Variants in NCOR2 observed in about 807,000 individuals in gnomAD.
The protein encoded by NCOR2 is CTG repeat protein 26.
Under a neutral mutation model 262.9 loss-of-function variants are expected in NCOR2, and 81 were observed. That is an observed-to-expected ratio of 0.31 (90% CI 0.26 to 0.37). The LOEUF (loss-of-function observed/expected upper bound fraction) is 0.37. Ranked by LOEUF, NCOR2 falls within the 10% of genes least tolerant of loss-of-function variation. The pLI is 1.00. For missense variants in NCOR2, 3,385 were observed against 3,621.4 expected (o/e 0.93, Z 1.68); for synonymous variants, 1,659 against 1,559.3 (o/e 1.06, Z -1.51).
At chr12:124,346,086 G>A (rs1041219647) in intron 31 of NCOR2, among the ~76,000 whole-genome samples, 3 of 152,176 alleles carry the variant, frequency 2.0e-5, no homozygotes, top group African/African-American at 7.2e-5. Context: ...TTTCACAACT[G>A]CATTTGCTGC....
At chr12:124,438,724 G>A (rs549463797) in intron 7 of NCOR2, among the ~76,000 whole-genome samples, 4 of 151,806 alleles carry the variant, frequency 2.6e-5, no homozygotes, top group East Asian at 1.9e-4. Flanking sequence ...GAGACCCAGA[G>A]AGACAGGGAA....
intron 19 of NCOR2, among the ~76,000 whole-genome samples, chr12:124,373,267 T>C (rs1230261591): frequency 1.7e-5 from 2 of 117,840 alleles, no homozygotes; most frequent in East Asian, 4.2e-4. Context: ...CCGGGCACAG[T>C]GGACAATCAT....
chr12:124,403,604 A>ACGG (rs1283643462), intron 13 of NCOR2, among the ~76,000 whole-genome samples: 1 of 152,210 alleles, frequency 6.6e-6, no homozygotes, highest in African/African-American at 2.4e-5. Context: ...AATAAAAATA[A>ACGG]ACCCCAAAGC....
At chr12:124,400,904 T>C (rs576040131) in intron 14 of NCOR2, among the ~76,000 whole-genome samples, 2 of 152,288 alleles carry the variant, frequency 1.3e-5, no homozygotes, top group South Asian at 4.1e-4. Flanking sequence ...CACCATGCTA[T>C]TTCTCAAAAG....
chr12:124,502,447 T>A (rs1281273624), intron 1 of NCOR2, among the ~76,000 whole-genome samples: 1 of 151,780 alleles, frequency 6.6e-6, no homozygotes, highest in African/African-American at 2.4e-5. Flanking sequence ...AGGCAGGGAA[T>A]GGGGGTACAT....
intron 16 of NCOR2, chr12:124,388,647 C>A: frequency 7.7e-7 from 1 of 1,303,334 alleles, no homozygotes; most frequent in Non-Finnish European, 1.0e-6. Context: ...TCCCTGCACC[C>A]GCAGTCCCCC....
In NCOR2 at chr12:124,342,940, C is replaced by T. The variant is rs538193512; in HGVS notation, c.4936+65G>A. 5.1e-6 allele frequency: 8 copies of T among 1,556,306 alleles called. No individual in the cohort carries two copies. In the South Asian group the frequency reaches 7.0e-5, roughly 14 times the overall value. On this transcript the variant is annotated intron_variant, in intron 33 of 46. Transcript: ENST00000405201. ...GATGCCTAAGGAGTCCCTGAGCGAA[C>T]ACTGATGAGGTCCGTGGCCCTGTTC...
chr12:124,402,532 CTGCTGCTGCTGCTGCTGTTGT>C, exon 14 of NCOR2: 9 of 1,568,344 alleles, frequency 5.7e-6, no homozygotes, highest in Admixed American at 1.9e-5. Context: ...GCTGCTGCTG[CTGCTGCTGCTGCTGCTGTTGT>C]TGCTGCTGCT....
In NCOR2 at chr12:124,361,294, G is replaced by A. The variant is rs117240909; in HGVS notation, c.3100+832C>T. The stretch of plus-strand genomic sequence containing the variant: ...TTGGAGCAGCCTGCCAGCAAGCGCC[G>A]GGGCTAGCCCAGGGTGGGGAACCTC... On this transcript the variant is annotated intron_variant, in intron 22 of 46. Coordinates refer to ENST00000405201, the Ensembl canonical transcript of NCOR2. Among the ~76,000 whole-genome samples the A allele has an allele frequency of 9.4e-3, 1,430 of 152,286 alleles. 31 individuals carry two copies. Among genetic ancestry groups the A allele is most frequent in the South Asian group, 0.083 (403 of 4,828 alleles).
chr12:124,441,044 C>T (rs1003143336), intron 7 of NCOR2, among the ~76,000 whole-genome samples: 2 of 152,070 alleles, frequency 1.3e-5, no homozygotes, highest in South Asian at 2.1e-4. Context: ...CTGTGAGTTT[C>T]GACATGGCAA....
intron 37 of NCOR2, among the ~76,000 whole-genome samples, chr12:124,338,505 CAAA>C (rs575208388): frequency 8.0e-5 from 7 of 87,714 alleles, no homozygotes; most frequent in East Asian, 5.9e-4. Flanking sequence ...ACAACTCCAT[CAAA>C]AAAAAAAAAA....
exon 24 of NCOR2, chr12:124,355,524 G>A: frequency 6.2e-7 from 1 of 1,602,502 alleles, no homozygotes; most frequent in Non-Finnish European, 8.5e-7. Context: ...GGTGGGCGCG[G>A]CAGGACGGGC....
chr12:124,492,712 A>G (rs1270988049), intron 1 of NCOR2, among the ~76,000 whole-genome samples: 1 of 152,136 alleles, frequency 6.6e-6, no homozygotes, highest in Non-Finnish European at 1.5e-5. Context: ...TGCCCTTTAA[A>G]AGGACAGGAA....
intron 7 of NCOR2, among the ~76,000 whole-genome samples, chr12:124,439,508 C>CAG (rs1224207802): frequency 4.2e-5 from 6 of 143,030 alleles, no homozygotes; most frequent in East Asian, 2.1e-4. Flanking sequence ...AACAGAGACC[C>CAG]AGAGAGAGAG....
At chr12:124,520,969 G>A (rs901514516) in intron 1 of NCOR2, among the ~76,000 whole-genome samples, 4 of 152,192 alleles carry the variant, frequency 2.6e-5, no homozygotes, top group Non-Finnish European at 4.4e-5. Context: ...AAGGGGCAGG[G>A]GGACCTTAAG....
chr12:124,359,697 C>G (rs536275187), intron 22 of NCOR2, among the ~76,000 whole-genome samples: 10 of 152,204 alleles, frequency 6.6e-5, no homozygotes, highest in Non-Finnish European at 1.5e-4. Flanking sequence ...GGGAGCTGTT[C>G]GATGCTGGAA....
In NCOR2 at chr12:124,525,135, G is replaced by C. The variant is rs185192029; in HGVS notation, c.-118+10430C>G. Reference sequence around the variant, plus strand: ...TCAGATCCAGGAAAGCCCTCCTGGGGCCCCCCTGCTCTGCTCCAGCCATTA... The same window carrying C: ...TCAGATCCAGGAAAGCCCTCCTGGGCCCCCCCTGCTCTGCTCCAGCCATTA... On this transcript the variant is annotated intron_variant, in intron 1 of 46. Transcript: ENST00000404621. Among the ~76,000 whole-genome samples the C allele has an allele frequency of 9.1e-3, 1,387 of 152,262 alleles. 11 individuals carry two copies. The highest frequency in any genetic ancestry group is 0.015 in the Non-Finnish European group (1,053 of 68,022).
At chr12:124,361,285 G>T (rs1408583397) in intron 22 of NCOR2, among the ~76,000 whole-genome samples, 1 of 152,214 alleles carries the variant, frequency 6.6e-6, no homozygotes, top group African/African-American at 2.4e-5. Flanking sequence ...CAGCCTGCCA[G>T]CAAGCGCCGG....
chr12:124,454,144 G>A lies in NCOR2; in HGVS notation c.762+2962C>T, dbSNP rs916353970. Among the ~76,000 whole-genome samples the A allele has an allele frequency of 2.0e-5, 3 of 152,100 alleles. No homozygotes were observed. Among genetic ancestry groups the A allele is most frequent in the African/African-American group, 7.2e-5 (3 of 41,402 alleles). On this transcript the variant is annotated intron_variant, in intron 6 of 46. Coordinates refer to ENST00000405201, the Ensembl canonical transcript of NCOR2. This position sits in a 1 kb window ranked among gnomAD's most constrained non-coding sequence, Gnocchi z 5.6. Reference sequence around the variant, plus strand: ...CTGGCAGATCTGTGCAGAACTGGCCGGCCGCTCTCCCAGGGGCTCAGCACA... The same window carrying A: ...CTGGCAGATCTGTGCAGAACTGGCCAGCCGCTCTCCCAGGGGCTCAGCACA...
Sources: gnomAD v4.1 joint callset for allele counts (sites outside exome capture counted in the v4.1 genomes callset) on GRCh38, gnomAD v4.1.1 for gene constraint, Gnocchi (gnomAD v3.1) non-coding constraint, MANE v1.5 for transcripts, NCBI Gene and HGNC (gene_info 2026-07-23, HGNC 2026-07-21) for gene names.